The following RHBDF1 variants were observed in gnomAD, a reference collection of about 807,000 sequenced individuals.
RHBDF1 encodes rhomboid 5 homolog 1.
Under a neutral mutation model 98.6 loss-of-function variants are expected in RHBDF1, and 80 were observed. That is an observed-to-expected ratio of 0.81 (90% CI 0.68 to 0.98). The LOEUF is 0.98. Ranked by LOEUF, RHBDF1 falls within the 50% of genes least tolerant of loss-of-function variation. The pLI, the probability that RHBDF1 is intolerant of heterozygous loss-of-function variation, is 0.00. For synonymous variants in RHBDF1, 512 were observed against 486.8 expected (o/e 1.05, Z -0.68); for missense variants, 1,116 against 1,198.3 (o/e 0.93, Z 1.01).
chr16:60,254 C>G lies in RHBDF1; in HGVS notation c.1684G>C (p.Asp562His). 1.2e-6 allele frequency: 2 copies of G among 1,614,096 alleles called. No individual in the cohort carries two copies. Among genetic ancestry groups the G allele is most frequent in the Non-Finnish European group, 1.7e-6 (2 of 1,180,014 alleles). ...ATGTCTTCTGGCCACTCATGAGGGT[C>G]TTCGGAGGAGGGCTCATCACACACC... is the stretch of plus-strand genomic sequence containing the variant. ...PRVCDEPSSE[D>H]PHEWPEDITK... The change falls in exon 13 of 18, where the codon GAC (aspartate) becomes CAC (histidine). Residue 562 changes from aspartate (D) to histidine (H), a missense_variant. Coordinates refer to ENST00000262316, the MANE Select transcript of RHBDF1 (RefSeq NM_022450.5).
At chr16:69,456 G>A (rs888742245) in intron 1 of RHBDF1, among the ~76,000 whole-genome samples, 2 of 152,088 alleles carry the variant, frequency 1.3e-5, no homozygotes, top group Admixed American at 6.5e-5. Flanking sequence ...CTTCCCAGAC[G>A]TGTCCTCAGC....
intron 14 of RHBDF1, 88 bp downstream of exon 14, chr16:59,644 A>G (rs1897531541): frequency 6.6e-7 from 1 of 1,525,408 alleles, no homozygotes; most frequent in Non-Finnish European, 8.9e-7. Flanking sequence ...ATACTGGCTT[A>G]TTTCAGGATT....
chr16:60,210 G>A lies in RHBDF1; in HGVS notation c.1722+6C>T, dbSNP rs1303156582. 2 of 1,613,914 alleles carry A rather than the reference G, an allele frequency of 1.2e-6. No individual in the cohort carries two copies. Among genetic ancestry groups the A allele is most frequent in the Non-Finnish European group, 1.7e-6 (2 of 1,179,976 alleles). On this transcript the variant is annotated splice_donor_region_variant and intron_variant, in intron 13 of 17. Coordinates refer to ENST00000262316, the MANE Select transcript of RHBDF1 (RefSeq NM_022450.5). ...GCTCCCTAACAACCCCCCCACTGCA[G>A]CTCACCGGCCACTTGGTGATGTCTT...
At chr16:73,715 C>A (rs563230695), upstream of RHBDF1, among the ~76,000 whole-genome samples, 1,261 of 152,212 alleles carry the variant, frequency 8.3e-3, 11 homozygotes, top group Admixed American at 0.012. Context: ...TACAGGGTGC[C>A]CCCCCATGCC....
Position 58,375 on chromosome 16 carries a change from A to T in RHBDF1, c.2533T>A (p.Cys845Ser). ...LTCIPFTDKF[C>S]EKYELDAQLH is the part of the protein sequence containing the mutation. ...TGAGCGTCCAGTTCGTACTTCTCAC[A>T]GAACTTGTCAGTGAAGGGGATGCAG... The change falls in exon 18 of 18, where the codon TGT becomes AGT. Residue 845 changes from cysteine to serine, a missense_variant. Transcript: ENST00000262316. 6.2e-7 allele frequency: 1 copy of T among 1,613,698 alleles called. No homozygotes were observed. Among genetic ancestry groups the T allele is most frequent in the Non-Finnish European group, 8.5e-7 (1 of 1,179,986 alleles).
rs148939321 is a variant in RHBDF1, at chr16:63,106, G to C, written c.539C>G (p.Thr180Ser). ...DTAEGLSAPHTPVTPGAASLC... is the reference protein window; with the variant it reads ...DTAEGLSAPHSPVTPGAASLC... ...GGAGGCAGCACCCGGCGTGACGGGA[G>C]TGTGTGGGGCACTCAGGCCTTCCGC... Residue 180 changes from threonine to serine, a missense_variant, in exon 5 of 18, where the codon ACT becomes AGT. Coordinates refer to ENST00000262316, the MANE Select transcript of RHBDF1 (RefSeq NM_022450.5). 2 of 1,607,578 alleles carry C rather than the reference G, an allele frequency of 1.2e-6. No homozygotes were observed. Among genetic ancestry groups the C allele is most frequent in the African/African-American group, 2.7e-5 (2 of 74,932 alleles).
intron 1 of RHBDF1, among the ~76,000 whole-genome samples, chr16:66,674 G>A (rs1329161910): frequency 6.6e-6 from 1 of 152,180 alleles, no homozygotes; most frequent in African/African-American, 2.4e-5. Context: ...TCAGGTCCCA[G>A]GTGAGAGCTG....
intron 1 of RHBDF1, among the ~76,000 whole-genome samples, chr16:66,340 A>G (rs974616309): frequency 6.6e-6 from 1 of 152,186 alleles, no homozygotes; most frequent in South Asian, 2.1e-4. Flanking sequence ...CCTATGCTGT[A>G]CAAATAGGGA....
chr16:60,094 A>G, intron 13 of RHBDF1, 122 bp downstream of exon 13: 1 of 1,553,288 alleles, frequency 6.4e-7, no homozygotes, highest in South Asian at 1.2e-5. Flanking sequence ...GCAGGTGCAC[A>G]GCCTCTGAAA....
chr16:61,780 C>T lies in RHBDF1; in HGVS notation c.1208+18G>A. 6.2e-7 allele frequency: 1 copy of T among 1,612,438 alleles called. No homozygotes were observed. The highest frequency in any genetic ancestry group is 8.5e-7 in the Non-Finnish European group (1 of 1,179,498). On this transcript the variant is annotated intron_variant, in intron 8 of 17. Coordinates refer to ENST00000262316, the MANE Select transcript of RHBDF1 (RefSeq NM_022450.5). ...CGGGAGCCTCCATCCCAACCCAGGC[C>T]TTGCCTGCCACGCCTACCTGTGGTC...
chr16:64,593 G>A, intron 3 of RHBDF1, 106 bp downstream of exon 3: 34 of 1,539,764 alleles, frequency 2.2e-5, no homozygotes, highest in Non-Finnish European at 2.8e-5. Context: ...GGAGGAGGAA[G>A]CTGAAACAAG....
intron 1 of RHBDF1, among the ~76,000 whole-genome samples, chr16:71,994 A>T (rs1322449063): frequency 6.6e-6 from 1 of 151,818 alleles, no homozygotes; most frequent in Non-Finnish European, 1.5e-5. Context: ...CCCCACCCCC[A>T]GCTCCACGGC....
intron 3 of RHBDF1, 122 bp from the exon 4 acceptor site, chr16:63,922 T>C (rs1341680284): frequency 5.7e-6 from 5 of 874,778 alleles, no homozygotes; most frequent in African/African-American, 1.7e-5. Flanking sequence ...GGGACCAGGG[T>C]CTGAGTGGGC....
chr16:59,788 A>T lies in RHBDF1; in HGVS notation c.1761T>A (p.His587Gln), dbSNP rs768244814. Residue 587 changes from histidine (H) to glutamine (Q), a missense_variant, in exon 14 of 18, where the codon CAT becomes CAA. Transcript: ENST00000262316. ...TKNSAGNHTNHPHMDCVITGR... is the reference protein window; with the variant it reads ...TKNSAGNHTNQPHMDCVITGR... ...CTGTGATGACACAGTCCATGTGGGG[A>T]TGGTTGGTGTGGTTCCCAGCGCTGT... 8 of 1,614,082 alleles carry T rather than the reference A, an allele frequency of 5.0e-6. No individual in the cohort carries two copies. In the East Asian group the frequency reaches 1.6e-4, roughly 31 times the overall value.
intron 13 of RHBDF1, 144 bp downstream of exon 13, chr16:60,072 G>C: frequency 6.6e-7 from 1 of 1,512,412 alleles, no homozygotes; most frequent in Non-Finnish European, 8.9e-7. Flanking sequence ...TGATGGACAG[G>C]CTGTACAAAG....
chr16:60,679 A>C (rs1261534312), intron 11 of RHBDF1, 140 bp from the exon 12 acceptor site: 5 of 617,496 alleles, frequency 8.1e-6, no homozygotes, highest in Non-Finnish European at 5.7e-6. Context: ...ATGCACGTGC[A>C]TGTTGGAAAA....
intron 3 of RHBDF1, 166 bp from the exon 4 acceptor site, chr16:63,966 A>G (rs1333547045): frequency 3.9e-6 from 3 of 760,894 alleles, no homozygotes; most frequent in Admixed American, 4.0e-5. Context: ...GGTTCCAGCC[A>G]CCCCCTGAAC....
At chr16:75,997 G>A (rs1898080250), upstream of RHBDF1, among the ~76,000 whole-genome samples, 1 of 152,148 alleles carries the variant, frequency 6.6e-6, no homozygotes, top group Non-Finnish European at 1.5e-5. Context: ...TGTTTATAAA[G>A]GCTCCAGCGA....
upstream of RHBDF1, among the ~76,000 whole-genome samples, chr16:76,079 G>A (rs895370464): frequency 2.6e-5 from 4 of 152,152 alleles, no homozygotes; most frequent in African/African-American, 7.2e-5. Context: ...TGTGGAGGTC[G>A]GGGGTCAGGG....
Sources: gnomAD v4.1 joint callset for allele counts (sites outside exome capture counted in the v4.1 genomes callset) on GRCh38, gnomAD v4.1.1 for gene constraint, MANE v1.5 for transcripts, NCBI Gene and HGNC (gene_info 2026-07-23, HGNC 2026-07-21) for gene names.